ERBB4: variants seen among roughly 807,000 people sequenced by gnomAD.
The protein encoded by ERBB4 is receptor tyrosine-protein kinase erbB-4.
Under a neutral mutation model 158.0 loss-of-function variants are expected in ERBB4, and 42 were observed. The observed-to-expected ratio is 0.27, with a 90% CI of 0.21 to 0.34. The LOEUF is 0.34. Among genes scored for constraint, ERBB4 ranks in the 10% least tolerant of loss-of-function variants. The pLI, the probability that ERBB4 is intolerant of heterozygous loss-of-function variation, is 1.00. For missense variants in ERBB4, 1,333 were observed against 1,624.1 expected, an observed-to-expected ratio of 0.82 and a Z score of 3.08; for synonymous variants, 583 against 558.7, an observed-to-expected ratio of 1.04 and a Z score of -0.61.
In ERBB4 at chr2:211,848,541, A is replaced by G. The variant is rs372655220; in HGVS notation, c.422-60382T>C. Among the ~76,000 whole-genome samples the G allele has an allele frequency of 2.6e-5, 4 of 152,134 alleles. No individual in the cohort carries two copies. The East Asian group carries it at 7.7e-4, about 29-fold the overall frequency. ...GCCTCTTTAGGAATTGGGAAGCAATATCTATTAATGTGTATCCTCATGTAT... is the reference window on the plus strand; with the variant it reads ...GCCTCTTTAGGAATTGGGAAGCAATGTCTATTAATGTGTATCCTCATGTAT... On this transcript the variant is annotated intron_variant, in intron 3 of 27. Coordinates refer to ENST00000342788, the MANE Select transcript of ERBB4 (RefSeq NM_005235.3).
intron 2 of ERBB4, among the ~76,000 whole-genome samples, chr2:212,035,863 T>TA (rs1231259819): frequency 6.6e-6 from 1 of 152,122 alleles, no homozygotes; most frequent in East Asian, 1.9e-4. Flanking sequence ...AGGCATATAA[T>TA]AAAAAAATTG....
chr2:211,775,799 G>A (rs2075858238), intron 4 of ERBB4, among the ~76,000 whole-genome samples: 1 of 152,156 alleles, frequency 6.6e-6, no homozygotes, highest in Non-Finnish European at 1.5e-5. Flanking sequence ...TTTCACAAAG[G>A]TTTTCATGAG....
intron 2 of ERBB4, among the ~76,000 whole-genome samples, chr2:211,968,116 C>T (rs991766873): frequency 1.3e-5 from 2 of 152,084 alleles, no homozygotes; most frequent in East Asian, 3.9e-4. Context: ...TTTCAAACTA[C>T]TTTAAAAAGC....
At chr2:212,436,546 TCTCA>T (rs1027005184) in intron 1 of ERBB4, among the ~76,000 whole-genome samples, 2 of 152,090 alleles carry the variant, frequency 1.3e-5, no homozygotes, top group African/African-American at 4.8e-5. Flanking sequence ...TGTGTCAATC[TCTCA>T]GAGATTTCAT....
chr2:212,036,531 C>A (rs1290330850), intron 2 of ERBB4, among the ~76,000 whole-genome samples: 3 of 150,224 alleles, frequency 2.0e-5, no homozygotes, highest in African/African-American at 7.4e-5. Context: ...GTGGAGTGAT[C>A]TGGGCTCACT....
chr2:212,511,399 A>G (rs1691511353), intron 1 of ERBB4, among the ~76,000 whole-genome samples: 1 of 152,196 alleles, frequency 6.6e-6, no homozygotes, highest in Non-Finnish European at 1.5e-5. Flanking sequence ...AAAAATGGGC[A>G]CATCCAAAGA....
chr2:211,722,883 T>C (rs1274267147), intron 6 of ERBB4, among the ~76,000 whole-genome samples: 1 of 152,234 alleles, frequency 6.6e-6, no homozygotes, highest in African/African-American at 2.4e-5. Flanking sequence ...ACCAAATCCC[T>C]AATTCTACAG....
chr2:211,883,892 G>C (rs1178579341), intron 3 of ERBB4, among the ~76,000 whole-genome samples: 1 of 152,150 alleles, frequency 6.6e-6, no homozygotes, highest in Non-Finnish European at 1.5e-5. Flanking sequence ...AAAACTCAAT[G>C]GTGATAATTC....
At chr2:211,730,746 A>G (rs1485522546) in intron 5 of ERBB4, among the ~76,000 whole-genome samples, 1 of 152,112 alleles carries the variant, frequency 6.6e-6, no homozygotes, top group African/African-American at 2.4e-5. Context: ...CAAAAAATAC[A>G]ATACCTGAGA....
intron 20 of ERBB4, among the ~76,000 whole-genome samples, chr2:211,449,221 A>C (rs533369233): frequency 2.0e-5 from 3 of 152,266 alleles, no homozygotes; most frequent in African/African-American, 7.2e-5. Context: ...ATGTTATCAC[A>C]GTATTGTTCT....
chr2:211,640,179 A>T (rs2070523625), intron 16 of ERBB4, among the ~76,000 whole-genome samples: 1 of 152,146 alleles, frequency 6.6e-6, no homozygotes, highest in South Asian at 2.1e-4. Context: ...ATAAAATGCT[A>T]ACAAAGAGGG....
chr2:212,238,631 A>G (rs776366129), intron 1 of ERBB4, among the ~76,000 whole-genome samples: 22 of 152,306 alleles, frequency 1.4e-4, no homozygotes, highest in Non-Finnish European at 2.8e-4. Flanking sequence ...AAATAAATTT[A>G]TAACATAGCT....
intron 1 of ERBB4, among the ~76,000 whole-genome samples, chr2:212,235,760 C>T (rs985552566): frequency 6.6e-6 from 1 of 152,128 alleles, no homozygotes; most frequent in Non-Finnish European, 1.5e-5. Flanking sequence ...CATGATTTGG[C>T]TCTCTCTTTG....
At chr2:211,938,524 A>G (rs1278505421) in intron 3 of ERBB4, among the ~76,000 whole-genome samples, 1 of 152,104 alleles carries the variant, frequency 6.6e-6, no homozygotes, top group Non-Finnish European at 1.5e-5. Context: ...AAAAATTCCT[A>G]TCTTCATTCA....
intron 1 of ERBB4, among the ~76,000 whole-genome samples, chr2:212,307,326 T>C (rs994587033): frequency 7.3e-5 from 11 of 150,876 alleles, no homozygotes; most frequent in African/African-American, 2.4e-4. Context: ...AATACAAATA[T>C]TAGTTCTTGG....
chr2:211,942,343 T>C (rs971085837), intron 3 of ERBB4, among the ~76,000 whole-genome samples: 3 of 149,518 alleles, frequency 2.0e-5, no homozygotes, highest in Non-Finnish European at 3.0e-5. Flanking sequence ...TATTTATTTA[T>C]TTATTTATTT....
In ERBB4 at chr2:212,225,113, C is replaced by G. The variant is rs566131565; in HGVS notation, c.83-100210G>C. Among the ~76,000 whole-genome samples, 8 of 151,764 alleles carry G rather than the reference C, an allele frequency of 5.3e-5. No individual in the cohort carries two copies. The East Asian group carries it at 7.8e-4, about 15-fold the overall frequency. The stretch of plus-strand genomic sequence containing the variant: ...AAGTTATATGAAAGTTTTTATGTCC[C>G]CTTTTTCCTCCTAGGATTTTAATAC... On this transcript the variant is annotated intron_variant, in intron 1 of 27. Coordinates refer to ENST00000342788, the MANE Select transcript of ERBB4 (RefSeq NM_005235.3).
At chr2:212,228,158 G>A (rs1345851087) in intron 1 of ERBB4, among the ~76,000 whole-genome samples, 1 of 152,130 alleles carries the variant, frequency 6.6e-6, no homozygotes, top group Admixed American at 6.5e-5. Flanking sequence ...AAGCTAGAAA[G>A]CACCATAAAG....
intron 2 of ERBB4, among the ~76,000 whole-genome samples, chr2:212,086,240 G>T (rs934649105): frequency 6.6e-6 from 1 of 151,704 alleles, no homozygotes; most frequent in Non-Finnish European, 1.5e-5. Context: ...AATAATGTCA[G>T]TGTACAAGAA....
Sources: allele counts gnomAD v4.1 joint callset (sites outside exome capture counted in the v4.1 genomes callset), GRCh38; gene constraint gnomAD v4.1.1; transcripts MANE v1.5; gene names NCBI Gene and HGNC (gene_info 2026-07-23, HGNC 2026-07-21).